The following DCAF8L2 variants were observed in gnomAD, a reference collection of about 807,000 sequenced individuals.
DCAF8L2 encodes the protein DDB1- and CUL4-associated factor 8-like protein 2.
For synonymous variants in DCAF8L2, 200 were observed against 190.9 expected, an observed-to-expected ratio of 1.05 and a Z score of -0.39; for missense variants, 430 against 490.7, an observed-to-expected ratio of 0.88 and a Z score of 1.17.
the DCAF8L2 span, among the ~76,000 whole-genome samples, chrX:27,485,174 A>G: frequency 8.9e-6 from 1 of 112,138 alleles, no homozygotes; most frequent in Non-Finnish European, 1.9e-5. Context: ...GGTATTCTCA[A>G]TCTTGGGATT....
At chrX:27,741,423 GC>G (rs1163095755) in intron 4 of DCAF8L2, among the ~76,000 whole-genome samples, 3 of 56,109 alleles carry the variant, frequency 5.3e-5, no homozygotes, top group Non-Finnish European at 9.7e-5. Context: ...CCACCCCCAT[GC>G]CCCAGCACCA....
the DCAF8L2 span, among the ~76,000 whole-genome samples, chrX:27,488,337 A>C: frequency 6.6e-3 from 733 of 111,379 alleles, 6 homozygotes; most frequent in African/African-American, 0.022. Context: ...TATTTAATTG[A>C]GTTATCTGTG....
the DCAF8L2 span, among the ~76,000 whole-genome samples, chrX:27,548,556 A>G: frequency 8.9e-6 from 1 of 112,005 alleles, no homozygotes; most frequent in Non-Finnish European, 1.9e-5. Flanking sequence ...GTCCTGGAGC[A>G]GAGCTACACC....
intron 2 of DCAF8L2, among the ~76,000 whole-genome samples, chrX:27,673,339 C>T (rs1200907144): frequency 9.3e-6 from 1 of 107,551 alleles, no homozygotes; most frequent in Non-Finnish European, 1.9e-5. Flanking sequence ...GAAACCCCAT[C>T]TCTACTAAAA....
chrX:27,613,144 T>C (rs1174486988), intron 1 of DCAF8L2, among the ~76,000 whole-genome samples: 1 of 111,309 alleles, frequency 9.0e-6, no homozygotes, highest in African/African-American at 3.3e-5. Flanking sequence ...GGTTTGTAGT[T>C]CTCCTTGAAG....
chrX:27,747,469 G>T lies in DCAF8L2; in HGVS notation c.574G>T (p.Ala192Ser). The T allele has an allele frequency of 8.5e-7, 1 of 1,176,269 alleles. No homozygotes were observed. ...LPRPRWQVVT[A>S]LHQRQLGSRP... ...CCGACCTCGCTGGCAGGTCGTTACT[G>T]CTCTTCACCAGCGGCAGCTGGGTTC... The change falls in exon 5 of 5, where the codon GCT becomes TCT. Residue 192 changes from alanine to serine, a missense_variant. Coordinates refer to ENST00000451261, the MANE Select transcript of DCAF8L2 (RefSeq NM_001353450.2).
At chrX:27,547,183 C>G in the DCAF8L2 span, among the ~76,000 whole-genome samples, 1 of 112,000 alleles carries the variant, frequency 8.9e-6, no homozygotes, top group Non-Finnish European at 1.9e-5. Flanking sequence ...GCTCCAGTTC[C>G]CAATGAGTTC....
intron 3 of DCAF8L2, among the ~76,000 whole-genome samples, chrX:27,714,176 G>A (rs1931619354): frequency 9.0e-6 from 1 of 111,391 alleles, no homozygotes; most frequent in Non-Finnish European, 1.9e-5. Context: ...TCTGCTTACA[G>A]TAACAGAATC....
At chrX:27,719,225 T>C (rs1931804656) in intron 4 of DCAF8L2, among the ~76,000 whole-genome samples, 1 of 111,370 alleles carries the variant, frequency 9.0e-6, no homozygotes, top group Non-Finnish European at 1.9e-5. Context: ...ACCTAGTGTT[T>C]TCCATTTCTT....
chrX:27,724,908 A>G (rs1489480645), intron 4 of DCAF8L2, among the ~76,000 whole-genome samples: 1 of 111,076 alleles, frequency 9.0e-6, no homozygotes, highest in Non-Finnish European at 1.9e-5. Context: ...TACCTATATG[A>G]CATTACTATA....
At chrX:27,584,745 C>T in the DCAF8L2 span, among the ~76,000 whole-genome samples, 769 of 111,752 alleles carry the variant, frequency 6.9e-3, 21 homozygotes, top group East Asian at 0.12. Context: ...GTCCAATATG[C>T]TATTGTCATT....
chrX:27,725,089 C>G, intron 4 of DCAF8L2, among the ~76,000 whole-genome samples: 1 of 91,554 alleles, frequency 1.1e-5, no homozygotes, highest in Non-Finnish European at 2.2e-5. Context: ...TTTATAAATT[C>G]TTTTTTTAAA....
At chrX:27,549,551 A>G in the DCAF8L2 span, among the ~76,000 whole-genome samples, 2 of 111,602 alleles carry the variant, frequency 1.8e-5, no homozygotes, top group South Asian at 7.5e-4. Flanking sequence ...TATTAAAGTC[A>G]AATGCATTCC....
chrX:27,732,869 A>T (rs979152866), intron 4 of DCAF8L2, among the ~76,000 whole-genome samples: 20 of 110,196 alleles, frequency 1.8e-4, no homozygotes, highest in Middle Eastern at 4.7e-3. Flanking sequence ...TTTAAAAAAA[A>T]TTTTTTTGAG....
chrX:27,571,895 G>A, the DCAF8L2 span, among the ~76,000 whole-genome samples: 1 of 111,120 alleles, frequency 9.0e-6, no homozygotes, highest in African/African-American at 3.3e-5. Context: ...CCCCAAACTA[G>A]TCCACACACC....
chrX:27,737,866 A>G lies in DCAF8L2; in HGVS notation c.-58-8972A>G, dbSNP rs1436153517. On this transcript the variant is annotated intron_variant, in intron 4 of 4. Transcript: ENST00000451261. ...TGAAATCTTCACACAAAAAAATTCT[A>G]CTAATCTTAGTATGCATTGCACTTC... 2.4e-4 allele frequency among the ~76,000 whole-genome samples: 27 copies of G among 111,334 alleles called. No homozygotes were observed. In the Admixed American group the frequency reaches 2.6e-3, roughly 11 times the overall value.
the DCAF8L2 span, among the ~76,000 whole-genome samples, chrX:27,506,083 A>G: frequency 8.9e-6 from 1 of 112,384 alleles, no homozygotes; most frequent in East Asian, 2.8e-4. Flanking sequence ...GAATATATAG[A>G]TTAGCATAAC....
chrX:27,473,206 A>AT, the DCAF8L2 span, among the ~76,000 whole-genome samples: 1 of 112,153 alleles, frequency 8.9e-6, no homozygotes, highest in African/African-American at 3.2e-5. Context: ...CCATTTCTAA[A>AT]TTTTTTCATT....
intron 1 of DCAF8L2, among the ~76,000 whole-genome samples, chrX:27,591,008 TATATATAA>T (rs1345198927): frequency 1.1e-5 from 1 of 92,556 alleles, no homozygotes; most frequent in African/African-American, 4.1e-5. Context: ...TATATATATA[TATATATAA>T]ATAAATAATT....
Sources: allele counts gnomAD v4.1 joint callset (sites outside exome capture counted in the v4.1 genomes callset), GRCh38; gene constraint gnomAD v4.1.1; transcripts MANE v1.5; gene names NCBI Gene and HGNC (gene_info 2026-07-23, HGNC 2026-07-21).